Variants in TET1 observed in about 807,000 individuals in gnomAD.
TET1 encodes methylcytosine dioxygenase TET1.
A neutral mutation model predicts 148.7 loss-of-function variants in TET1; 13 were observed. That is an observed-to-expected ratio of 0.09 (90% CI 0.06 to 0.14). The LOEUF is 0.14. Ranked by LOEUF, TET1 falls within the 10% of genes least tolerant of loss-of-function variation. The pLI is 1.00. For missense variants in TET1, 2,182 were observed against 2,553.8 expected (o/e 0.85, Z 3.14); for synonymous variants, 907 against 937.2 (o/e 0.97, Z 0.59).
Position 68,646,631 on chromosome 10 carries a change from A to G in TET1, c.3902A>G (p.Gln1301Arg), listed in dbSNP as rs766616425. Residue 1301 changes from glutamine (Q) to arginine (R), a missense_variant, in exon 4 of 12, where the codon CAG becomes CGG. Gln to Arg is a conservative substitution (Grantham distance 43, BLOSUM62 1). Around this residue, in one of 11 missense-constraint regions of TET1, gnomAD observed 582 missense variants for 599.5 expected, o/e 0.97. Coordinates refer to ENST00000373644, the MANE Select transcript of TET1 (RefSeq NM_030625.3). ...AATCAGAAAGCCCATCCTTTGACCC[A>G]GCCCTCCTCTCCACCTAACCAGTGT... is the stretch of plus-strand genomic sequence containing the variant. ...NANQKAHPLT[Q>R]PSSPPNQCAN... 3 of 1,614,172 alleles carry G rather than the reference A, an allele frequency of 1.9e-6. No individual in the cohort carries two copies. The highest frequency in any genetic ancestry group is 2.2e-5 in the East Asian group (1 of 44,874).
chr10:68,645,876 C>G lies in TET1; in HGVS notation c.3147C>G (p.Asn1049Lys), dbSNP rs542316647. 8.1e-6 allele frequency: 13 copies of G among 1,613,576 alleles called. 1 individual carries two copies. The South Asian group carries it at 8.8e-5, about 11-fold the overall frequency. ...GAAATAATGAAGTGGAGTATTGCAACCAGTTACTGGACAGCAGCAAAAAAT... is the reference window on the plus strand; with the variant it reads ...GAAATAATGAAGTGGAGTATTGCAAGCAGTTACTGGACAGCAGCAAAAAAT... The part of the protein sequence containing the change: ...PPRNNEVEYC[N>K]QLLDSSKKLD... The change falls in exon 4 of 12, where the codon AAC becomes AAG. Residue 1049 changes from asparagine to lysine, a missense_variant. Transcript: ENST00000373644.
At chr10:68,566,971 A>G (rs1365246266) in intron 1 of TET1, among the ~76,000 whole-genome samples, 2 of 152,050 alleles carry the variant, frequency 1.3e-5, no homozygotes, top group African/African-American at 2.4e-5. Flanking sequence ...GGTCAATACT[A>G]TTAGGTTTTC....
intron 3 of TET1, among the ~76,000 whole-genome samples, chr10:68,627,647 G>T (rs908127334): frequency 2.0e-5 from 3 of 151,746 alleles, no homozygotes; most frequent in Non-Finnish European, 2.9e-5. Context: ...AAATAAAGTG[G>T]CCGGGCGCGG....
chr10:68,653,863 T>C (rs1206497296), intron 6 of TET1, among the ~76,000 whole-genome samples: 3 of 151,752 alleles, frequency 2.0e-5, no homozygotes, highest in Non-Finnish European at 4.4e-5. Context: ...TCCTAACACT[T>C]TGGGAGGCCG....
At chr10:68,575,721 A>ATAAG (rs1231310518) in intron 2 of TET1, among the ~76,000 whole-genome samples, 1 of 149,610 alleles carries the variant, frequency 6.7e-6, no homozygotes, top group Non-Finnish European at 1.5e-5. Flanking sequence ...AAATAAATAA[A>ATAAG]TAAATAAATA....
At chr10:68,605,528 A>T (rs2054112029) in intron 3 of TET1, among the ~76,000 whole-genome samples, 1 of 152,110 alleles carries the variant, frequency 6.6e-6, no homozygotes, top group South Asian at 2.1e-4. Context: ...TTACTTATTT[A>T]TTTGAGACAG....
intron 6 of TET1, among the ~76,000 whole-genome samples, chr10:68,655,680 A>C (rs2055011048): frequency 6.6e-6 from 1 of 152,182 alleles, no homozygotes; most frequent in Non-Finnish European, 1.5e-5. Context: ...TGTTTTCCTT[A>C]AGAAGGCAAA....
At chr10:68,600,860 C>G (rs1166449572) in intron 2 of TET1, 121 bp from the exon 3 acceptor site, 4 of 768,700 alleles carry the variant, frequency 5.2e-6, no homozygotes, top group African/African-American at 1.8e-5. Context: ...GCCTAGCAAA[C>G]ATGTTGATGA....
At position 68,573,823 on chromosome 10, in the gene TET1, C is replaced by T. The variant is rs143105892; in HGVS notation, c.1485C>T (p.Ser495=). Reference sequence around the variant, plus strand: ...CATTACCTCCAGTAATGGCTATAAGCAATGTAGAAAATGAGAAGCAGGTTC... The same window carrying T: ...CATTACCTCCAGTAATGGCTATAAGTAATGTAGAAAATGAGAAGCAGGTTC... ...KNSLPPVMAI[S]NVENEKQVHI... The change falls in exon 2 of 12, where the codon AGC becomes AGT. Residue 495 remains serine (S), a synonymous_variant. Transcript: ENST00000373644. 3.4e-5 allele frequency: 55 copies of T among 1,614,054 alleles called. No individual in the cohort carries two copies. Among genetic ancestry groups the T allele is most frequent in the South Asian group, 2.4e-4 (22 of 91,086 alleles).
At chr10:68,562,139 C>A (rs1248278703) in intron 1 of TET1, among the ~76,000 whole-genome samples, 1 of 152,212 alleles carries the variant, frequency 6.6e-6, no homozygotes, top group Non-Finnish European at 1.5e-5. Flanking sequence ...CCGCGCGCGC[C>A]ACTGGAAGAG....
chr10:68,580,782 C>CAAAAA (rs71483915), intron 2 of TET1, among the ~76,000 whole-genome samples: 1 of 95,308 alleles, frequency 1.0e-5, no homozygotes, highest in Non-Finnish European at 2.0e-5. Flanking sequence ...AACTCCATCT[C>CAAAAA]AAAAAAAAAA....
At chr10:68,610,775 C>G (rs76593889) in intron 3 of TET1, among the ~76,000 whole-genome samples, 1 of 151,950 alleles carries the variant, frequency 6.6e-6, no homozygotes, top group Non-Finnish European at 1.5e-5. Context: ...TTTACTTCAG[C>G]CTCCCAAATA....
At chr10:68,616,305 G>C (rs960728934) in intron 3 of TET1, among the ~76,000 whole-genome samples, 4 of 150,318 alleles carry the variant, frequency 2.7e-5, no homozygotes, top group Non-Finnish European at 4.5e-5. Flanking sequence ...AAGCGTACAG[G>C]TCAGCTATTT....
rs1465651434 is a variant in TET1, at chr10:68,572,329, C to T, written c.-10C>T. On this transcript the variant is annotated 5_prime_UTR_variant, in exon 2 of 12. Coordinates refer to ENST00000373644, the MANE Select transcript of TET1 (RefSeq NM_030625.3). The stretch of plus-strand genomic sequence containing the variant: ...TCCTGCGCCCTTTCATTTTTTCCTA[C>T]TCTGTAGCTATGTCTCGATCCCGCC... 6.3e-7 allele frequency: 1 copy of T among 1,580,904 alleles called. No individual in the cohort carries two copies. Among genetic ancestry groups the T allele is most frequent in the Admixed American group, 2.0e-5 (1 of 50,448 alleles).
chr10:68,599,163 G>A (rs1286309229), intron 2 of TET1, among the ~76,000 whole-genome samples: 3 of 152,354 alleles, frequency 2.0e-5, no homozygotes, highest in Middle Eastern at 3.4e-3. Context: ...AGGCCTTCCG[G>A]CCCTCACTCT....
intron 2 of TET1, among the ~76,000 whole-genome samples, chr10:68,580,791 A>ATATAT: frequency 1.9e-5 from 1 of 52,020 alleles, no homozygotes; most frequent in African/African-American, 5.0e-5. Context: ...TCAAAAAAAA[A>ATATAT]AAAAAAAAAA....
At chr10:68,683,290 A>T (rs2055461581) in intron 10 of TET1, among the ~76,000 whole-genome samples, 2 of 151,828 alleles carry the variant, frequency 1.3e-5, no homozygotes, top group Non-Finnish European at 1.5e-5. Flanking sequence ...TTATTTATTT[A>T]TTTTTTGAGA....
At position 68,588,747 on chromosome 10, in the gene TET1, A is replaced by T. The variant is rs373938014; in HGVS notation, c.1915-12234A>T. 5.3e-5 allele frequency among the ~76,000 whole-genome samples: 8 copies of T among 152,244 alleles called. No homozygotes were observed. In the South Asian group the frequency reaches 1.7e-3, roughly 32 times the overall value. ...TCTACTGCTGCTATATTTTAATATT[A>T]AGGTGTTCCTTTAACTGTGTTTAAC... On this transcript the variant is annotated intron_variant, in intron 2 of 11. Transcript: ENST00000373644.
chr10:68,568,853 A>T (rs1465796702), intron 1 of TET1, among the ~76,000 whole-genome samples: 1 of 152,130 alleles, frequency 6.6e-6, no homozygotes, highest in African/African-American at 2.4e-5. Flanking sequence ...CCTGTCTCAA[A>T]AAAAAAGAAA....
Sources: gnomAD v4.1 joint callset for allele counts (sites outside exome capture counted in the v4.1 genomes callset) on GRCh38, gnomAD v4.1.1 for gene constraint, gnomAD v4.1.1 regional missense constraint, MANE v1.5 for transcripts, NCBI Gene and HGNC (gene_info 2026-07-23, HGNC 2026-07-21) for gene names.